DUOX1: variants seen among roughly 807,000 people sequenced by gnomAD.
DUOX1 encodes NADPH thyroid oxidase 1.
A neutral mutation model predicts 181.8 loss-of-function variants in DUOX1; 134 were observed. The observed-to-expected ratio is 0.74, with a 90% CI of 0.64 to 0.85. The LOEUF (loss-of-function observed/expected upper bound fraction) is 0.85, where lower values mean the gene tolerates loss of function less well. Ranked by LOEUF, DUOX1 falls within the 40% of genes least tolerant of loss-of-function variation. The pLI is 0.00. For missense variants in DUOX1, 1,814 were observed against 2,064.4 expected, an observed-to-expected ratio of 0.88 and a Z score of 2.35; for synonymous variants, 798 against 832.5, an observed-to-expected ratio of 0.96 and a Z score of 0.71.
In DUOX1 at chr15:45,162,389, C is replaced by T. The variant is rs780930578; in HGVS notation, c.4248+12C>T. ...TGTTCTGTAAGAAGGTGAGTACTGC[C>T]CCCACTTCCCACCAACCCATGGCCC... On this transcript the variant is annotated intron_variant, in intron 31 of 33. Transcript: ENST00000389037. 6.2e-7 allele frequency: 1 copy of T among 1,610,576 alleles called. No individual in the cohort carries two copies. The highest frequency in any genetic ancestry group is 8.5e-7 in the Non-Finnish European group (1 of 1,177,946).
chr15:45,161,927 T>A lies in DUOX1; in HGVS notation c.4046T>A (p.Ile1349Asn), dbSNP rs747148877. Residue 1349 changes from isoleucine (I) to asparagine (N), a missense_variant, in exon 30 of 34, where the codon ATC (isoleucine) becomes AAC (asparagine). By Grantham distance (149) the Ile-to-Asn change is moderately radical. Coordinates refer to ENST00000389037, the MANE Select transcript of DUOX1 (RefSeq NM_175940.3). The part of the protein sequence containing the change: ...AGPWTTRLRE[I>N]YSAPTGDRCA... ...CCCTGGACCACTCGCCTCAGGGAGA[T>A]CTACTCAGCCCCGACGGGTGACAGA... 4 of 1,613,522 alleles carry A rather than the reference T, an allele frequency of 2.5e-6. No homozygotes were observed. Among genetic ancestry groups the A allele is most frequent in the African/African-American group, 1.3e-5 (1 of 74,718 alleles).
At chr15:45,134,361 T>C in intron 4 of DUOX1, 52 bp downstream of exon 4, 1 of 1,532,806 alleles carries the variant, frequency 6.5e-7, no homozygotes, top group Non-Finnish European at 8.8e-7. Context: ...GCTGGACACC[T>C]CTGCATGTGA....
At chr15:45,161,603 G>C (rs1897104817) in intron 29 of DUOX1, 135 bp from the exon 30 acceptor site, 3 of 779,320 alleles carry the variant, frequency 3.8e-6, no homozygotes, top group Admixed American at 2.3e-5. Flanking sequence ...GCCCCCACAG[G>C]GTGAGCTTCT....
At chr15:45,148,475 C>T (rs375299496) in intron 21 of DUOX1, 28 bp downstream of exon 21, 15 of 1,596,452 alleles carry the variant, frequency 9.4e-6, no homozygotes, top group African/African-American at 2.7e-5. Context: ...GCAGCACTGA[C>T]TCATTGGTTA....
chr15:45,143,759 C>T (rs1354056273), intron 16 of DUOX1, among the ~76,000 whole-genome samples: 2 of 152,162 alleles, frequency 1.3e-5, no homozygotes, highest in African/African-American at 2.4e-5. Context: ...AATAATAGCA[C>T]CTACCTCACA....
At chr15:45,162,042 A>ACTCCCCGCTCTGTGC in intron 30 of DUOX1, 72 bp downstream of exon 30, 6 of 1,490,854 alleles carry the variant, frequency 4.0e-6, no homozygotes, top group Non-Finnish European at 5.5e-6. Context: ...GCAGCACTAG[A>ACTCCCCGCTCTGTGC]CTCCCCGCTC....
chr15:45,136,507 C>T, intron 8 of DUOX1, 22 bp from the exon 9 acceptor site: 1 of 1,614,104 alleles, frequency 6.2e-7, no homozygotes, highest in Non-Finnish European at 8.5e-7. Flanking sequence ...TTCTTCTGTC[C>T]TCTCTTCTCC....
At position 45,133,924 on chromosome 15, in the gene DUOX1, T is replaced by G. The variant is rs903256396; in HGVS notation, c.119T>G (p.Met40Arg). 11 of 1,613,902 alleles carry G rather than the reference T, an allele frequency of 6.8e-6. No homozygotes were observed. The highest frequency in any genetic ancestry group is 8.5e-6 in the Non-Finnish European group (10 of 1,179,934). Residue 40 changes from methionine (M) to arginine (R), a missense_variant, in exon 3 of 34, where the codon ATG becomes AGG. Around this residue, in one of 5 missense-constraint regions of DUOX1, gnomAD observed 320 missense variants for 313.1 expected, o/e 1.02. Transcript: ENST00000389037. The stretch of plus-strand genomic sequence containing the variant: ...TTTGATGGGTGGTACAACAACCTCA[T>G]GGAGCACAGATGGGGCAGCAAAGGT... ...QRFDGWYNNL[M>R]EHRWGSKGSR...
At chr15:45,139,213 G>T (rs1290693128) in intron 11 of DUOX1, 45 bp downstream of exon 11, 1 of 1,613,156 alleles carries the variant, frequency 6.2e-7, no homozygotes, top group Non-Finnish European at 8.5e-7. Context: ...CCTGGCCTCT[G>T]GGAAGAGGCT....
rs542503048 is a variant in DUOX1 at position 45,151,263 on chromosome 15, C to G, written c.3014+15C>G. The stretch of plus-strand genomic sequence containing the variant: ...TTTGGCAAGAAGTATGTCTGCTCTT[C>G]CCCTTAAGCCCAGGCAGTTCATCCA... On this transcript the variant is annotated intron_variant, in intron 23 of 33. Coordinates refer to ENST00000389037, the MANE Select transcript of DUOX1 (RefSeq NM_175940.3). The G allele has an allele frequency of 4.7e-5, 76 of 1,610,778 alleles. 1 individual carries two copies. The South Asian group carries it at 8.1e-4, about 17-fold the overall frequency.
intron 20 of DUOX1, 48 bp from the exon 21 acceptor site, chr15:45,148,224 G>A (rs1896706225): frequency 6.2e-7 from 1 of 1,611,542 alleles, no homozygotes; most frequent in Admixed American, 1.7e-5. Flanking sequence ...CTGTGTCTGG[G>A]TCGCAGGCCC....
intron 26 of DUOX1, 44 bp from the exon 27 acceptor site, chr15:45,153,907 G>C: frequency 1.3e-6 from 2 of 1,528,750 alleles, no homozygotes; most frequent in Non-Finnish European, 9.0e-7. Flanking sequence ...AAAAGAGAGA[G>C]AGATCTCCTC....
At chr15:45,134,987 C>T in intron 4 of DUOX1, 117 bp from the exon 5 acceptor site, 9 of 1,253,468 alleles carry the variant, frequency 7.2e-6, no homozygotes, top group Non-Finnish European at 1.0e-5. Context: ...TTGGACTTGC[C>T]CATAATGGCT....
In DUOX1 at chr15:45,160,957, A is replaced by T. The variant is rs779771707; in HGVS notation, c.3823A>T (p.Ile1275Phe). Residue 1275 changes from isoleucine (I) to phenylalanine (F), a missense_variant, in exon 29 of 34, where the codon ATC (isoleucine) becomes TTC (phenylalanine). Ile to Phe is a conservative substitution (Grantham distance 21). Around this residue, in one of 5 missense-constraint regions of DUOX1, gnomAD observed 279 missense variants for 381.9 expected, o/e 0.73. Transcript: ENST00000389037. ...GAGCCTGAGCCGGAAGAAGGTGGAG[A>T]TCAGCGTGGTGAAGGCGGAGCTGCT... ...LVSLSRKKVE[I>F]SVVKAELLPS... 17 of 1,614,130 alleles carry T rather than the reference A, an allele frequency of 1.1e-5. No homozygotes were observed. Among genetic ancestry groups the T allele is most frequent in the Non-Finnish European group, 1.4e-5 (16 of 1,180,016 alleles).
chr15:45,159,401 G>C (rs1897043354), intron 28 of DUOX1, among the ~76,000 whole-genome samples: 1 of 152,256 alleles, frequency 6.6e-6, no homozygotes, highest in Non-Finnish European at 1.5e-5. Flanking sequence ...CATTGTTGCA[G>C]AAGTGGCGAG....
chr15:45,152,082 T>C (rs16939755), intron 24 of DUOX1, 30 bp downstream of exon 24: 65,756 of 1,606,844 alleles, frequency 0.041, 4,343 homozygotes, highest in East Asian at 0.31. Context: ...ACGAGCCCTG[T>C]CCCTAGGCTT....
At chr15:45,153,524 G>A (rs1448789136) in intron 26 of DUOX1, 45 bp downstream of exon 26, 2 of 1,164,316 alleles carry the variant, frequency 1.7e-6, no homozygotes, top group African/African-American at 1.6e-5. Flanking sequence ...GTGTGTGTGT[G>A]TGTGTGTGTG....
chr15:45,165,110 G>A lies in DUOX1; in HGVS notation c.*209G>A. 3 of 598,344 alleles carry A rather than the reference G, an allele frequency of 5.0e-6. No individual in the cohort carries two copies. Among genetic ancestry groups the A allele is most frequent in the South Asian group, 4.1e-5 (2 of 49,104 alleles). The allele number at this position is 598,344 out of a possible 1,614,324, so 37.1% of individuals were successfully genotyped here. A position where few individuals can be genotyped will look rare whatever the true frequency, so the allele number is the denominator to read the frequency against. On this transcript the variant is annotated 3_prime_UTR_variant, in exon 34 of 34. Coordinates refer to ENST00000389037, the MANE Select transcript of DUOX1 (RefSeq NM_175940.3). Reference sequence around the variant, plus strand: ...CTCAGCCTGGAGAAATGGTGGGGGGGCAGTGTCTAGGGACTAGAGTGAGAA... The same window carrying A: ...CTCAGCCTGGAGAAATGGTGGGGGGACAGTGTCTAGGGACTAGAGTGAGAA...
In DUOX1 at chr15:45,151,930, G is replaced by A. The variant is rs1339304367; in HGVS notation, c.3071G>A (p.Arg1024His). 7 of 1,613,812 alleles carry A rather than the reference G, an allele frequency of 4.3e-6. No individual in the cohort carries two copies. The highest frequency in any genetic ancestry group is 2.5e-6 in the Non-Finnish European group (3 of 1,179,988). ...GAGGCGCACCGAGAGAAGTTCCAAC[G>A]CAGCTGTCTCCACCAGACGGTGCAA... ...FTEAHREKFQ[R>H]SCLHQTVQQF... Residue 1024 changes from arginine (R) to histidine (H), a missense_variant, in exon 24 of 34, where the codon CGC becomes CAC. Arg to His is a conservative substitution (Grantham distance 29). Around this residue, in one of 5 missense-constraint regions of DUOX1, gnomAD observed 1,064 missense variants for 1,152.9 expected, o/e 0.92. Coordinates refer to ENST00000389037, the MANE Select transcript of DUOX1 (RefSeq NM_175940.3).
Sources: gnomAD v4.1 joint callset for allele counts (sites outside exome capture counted in the v4.1 genomes callset) on GRCh38, gnomAD v4.1.1 for gene constraint, gnomAD v4.1.1 regional missense constraint, MANE v1.5 for transcripts, NCBI Gene and HGNC (gene_info 2026-07-23, HGNC 2026-07-21) for gene names.